FAT3: variants seen among roughly 807,000 people sequenced by gnomAD.
The protein encoded by FAT3 is FAT atypical cadherin 3, also known as protocadherin Fat 3.
FAT3 carries 95 observed loss-of-function variants against 310.2 expected under a neutral mutation model. The observed-to-expected ratio is 0.31, with a 90% CI of 0.26 to 0.36. The LOEUF is 0.36. Ranked by LOEUF, FAT3 falls within the 10% of genes least tolerant of loss-of-function variation. The pLI is 1.00. For synonymous variants in FAT3, 2,314 were observed against 2,192.9 expected (o/e 1.06, Z -1.54); for missense variants, 5,408 against 5,715.6 (o/e 0.95, Z 1.74).
chr11:92,649,290 C>G (rs986368515), intron 3 of FAT3, among the ~76,000 whole-genome samples: 3 of 152,120 alleles, frequency 2.0e-5, no homozygotes, highest in Admixed American at 6.5e-5. Context: ...AAGCAGGACT[C>G]TAGAGAGCAC....
chr11:92,419,788 A>T (rs1950499484), intron 2 of FAT3, among the ~76,000 whole-genome samples: 1 of 152,146 alleles, frequency 6.6e-6, no homozygotes, highest in Non-Finnish European at 1.5e-5. Context: ...GGATCTAGTG[A>T]GTCGATTTCA....
chr11:92,337,321 A>G (rs1948114417), intron 1 of FAT3, among the ~76,000 whole-genome samples: 1 of 152,138 alleles, frequency 6.6e-6, no homozygotes, highest in African/African-American at 2.4e-5. Context: ...CAATTTTATC[A>G]TTTGTTCTTT....
intron 3 of FAT3, among the ~76,000 whole-genome samples, chr11:92,661,004 C>T (rs1219948489): frequency 6.6e-6 from 1 of 151,742 alleles, no homozygotes; most frequent in African/African-American, 2.4e-5. Context: ...ATTATTCTAC[C>T]TCTACATCTA....
chr11:92,661,661 G>T (rs73556433), intron 3 of FAT3, among the ~76,000 whole-genome samples: 2,125 of 151,932 alleles, frequency 0.014, 65 homozygotes, highest in African/African-American at 0.049. Flanking sequence ...CGTTTCTACC[G>T]ATCTGTTTGG....
At chr11:92,483,046 G>A (rs1195381766) in intron 2 of FAT3, among the ~76,000 whole-genome samples, 2 of 152,140 alleles carry the variant, frequency 1.3e-5, no homozygotes, top group Non-Finnish European at 2.9e-5. Context: ...AATTACACTG[G>A]CACAGCTAGT....
At chr11:92,670,878 A>T (rs952069489) in intron 3 of FAT3, among the ~76,000 whole-genome samples, 1 of 152,160 alleles carries the variant, frequency 6.6e-6, no homozygotes. Context: ...TCTGAATCCC[A>T]GGCTGACAAT....
chr11:92,626,853 A>G (rs1941359002), intron 3 of FAT3, among the ~76,000 whole-genome samples: 2 of 152,200 alleles, frequency 1.3e-5, no homozygotes, highest in African/African-American at 4.8e-5. Flanking sequence ...CTCATGAACT[A>G]TGCATGGTGC....
At chr11:92,675,546 A>G (rs1943260313) in intron 3 of FAT3, among the ~76,000 whole-genome samples, 1 of 152,214 alleles carries the variant, frequency 6.6e-6, no homozygotes, top group Non-Finnish European at 1.5e-5. Context: ...CTGTAGATGT[A>G]GCCTGTGATT....
chr11:92,878,660 AAAAAAAAGC>A (rs1949597268), intron 22 of FAT3, among the ~76,000 whole-genome samples: 2 of 80,632 alleles, frequency 2.5e-5, no homozygotes, highest in Non-Finnish European at 2.3e-5. Flanking sequence ...AAAAAAAAAA[AAAAAAAAGC>A]TCCGCACAAA....
At chr11:92,309,498 G>A (rs571228539) in intron 1 of FAT3, among the ~76,000 whole-genome samples, 5 of 152,046 alleles carry the variant, frequency 3.3e-5, no homozygotes, top group Non-Finnish European at 7.4e-5. Context: ...AACGCTGGTT[G>A]CTGTGCATTT....
intron 2 of FAT3, among the ~76,000 whole-genome samples, chr11:92,492,449 T>C (rs543192471): frequency 6.6e-6 from 1 of 152,226 alleles, no homozygotes; most frequent in East Asian, 1.9e-4. Flanking sequence ...CAAGGTTGTA[T>C]TCTGTACCAG....
At chr11:92,695,065 TCA>T (rs1168178686) in intron 3 of FAT3, among the ~76,000 whole-genome samples, 1 of 152,072 alleles carries the variant, frequency 6.6e-6, no homozygotes, top group African/African-American at 2.4e-5. Context: ...CAGCAGGCAC[TCA>T]CAGGCTATCT....
intron 1 of FAT3, among the ~76,000 whole-genome samples, chr11:92,303,159 A>C (rs1395801594): frequency 6.6e-6 from 1 of 152,142 alleles, no homozygotes; most frequent in Non-Finnish European, 1.5e-5. Flanking sequence ...TTACAGTTTT[A>C]AATCTGTGCT....
chr11:92,698,116 C>T (rs1464153443), intron 4 of FAT3, among the ~76,000 whole-genome samples: 1 of 152,310 alleles, frequency 6.6e-6, no homozygotes, highest in East Asian at 1.9e-4. Context: ...TTAATTGTGA[C>T]TGTGTGATAT....
chr11:92,876,710 A>G (rs1384131536), intron 22 of FAT3, among the ~76,000 whole-genome samples: 1 of 152,134 alleles, frequency 6.6e-6, no homozygotes, highest in Non-Finnish European at 1.5e-5. Flanking sequence ...TGAAGATAAG[A>G]TTTTCTCTCT....
chr11:92,373,428 C>T (rs1949250772), intron 2 of FAT3, among the ~76,000 whole-genome samples: 1 of 152,142 alleles, frequency 6.6e-6, no homozygotes, highest in Non-Finnish European at 1.5e-5. Flanking sequence ...ATGGTTCTAT[C>T]TCTTGTCCCG....
chr11:92,631,524 C>T (rs1408994851), intron 3 of FAT3, among the ~76,000 whole-genome samples: 1 of 152,014 alleles, frequency 6.6e-6, no homozygotes, highest in Non-Finnish European at 1.5e-5. Flanking sequence ...TTATAAAGGG[C>T]TCTTCCCCCT....
intron 1 of FAT3, among the ~76,000 whole-genome samples, chr11:92,225,520 C>T (rs2134211141): frequency 6.6e-6 from 1 of 152,164 alleles, no homozygotes; most frequent in African/African-American, 2.4e-5. Context: ...GGCTCCCAGC[C>T]GCCCCTGCAG....
In FAT3 at chr11:92,553,699, T is replaced by C. The variant is rs985686772; in HGVS notation, c.3607+28751T>C. Among the ~76,000 whole-genome samples, 657 of 150,166 alleles carry C rather than the reference T, an allele frequency of 4.4e-3. 8 individuals carry two copies. The highest frequency in any genetic ancestry group is 0.012 in the African/African-American group (504 of 40,900). ...TCCCTTCCTTCCTTCCTTCCTTCCT[T>C]CCTTCCTTCCTTCCTTCCTTCCTTT... On this transcript the variant is annotated intron_variant, in intron 3 of 27. Coordinates refer to ENST00000525166, the MANE Select transcript of FAT3 (RefSeq NM_001367949.2).
Sources: allele counts gnomAD v4.1 joint callset (sites outside exome capture counted in the v4.1 genomes callset), GRCh38; gene constraint gnomAD v4.1.1; transcripts MANE v1.5; gene names NCBI Gene and HGNC (gene_info 2026-07-23, HGNC 2026-07-21).